Variants in EPHA6 observed in about 807,000 individuals in gnomAD.
The protein encoded by EPHA6 is EPH receptor A6.
Under a neutral mutation model 112.0 loss-of-function variants are expected in EPHA6, and 50 were observed. The ratio of observed to expected loss-of-function variants is 0.45; its 90% confidence interval spans 0.36 to 0.56. The LOEUF (loss-of-function observed/expected upper bound fraction) is 0.56, where lower values mean the gene tolerates loss of function less well. Ranked by LOEUF, EPHA6 falls within the 20% of genes least tolerant of loss-of-function variation. The probability of loss-of-function intolerance (pLI) is 0.00; values close to 1 mark genes in which losing one functional copy is unlikely to be tolerated. For synonymous variants in EPHA6, 529 were observed against 490.7 expected (o/e 1.08, Z -1.03); for missense variants, 1,280 against 1,417.4 (o/e 0.90, Z 1.56).
chr3:96,947,516 C>G (rs1293304835), intron 2 of EPHA6, among the ~76,000 whole-genome samples: 1 of 152,076 alleles, frequency 6.6e-6, no homozygotes, highest in Non-Finnish European at 1.5e-5. Flanking sequence ...TTTCTGAGGG[C>G]TCTGTTCTGT....
rs201428076 is a variant in EPHA6, at chr3:97,499,771, G to A, written c.2200+15712G>A. Among the ~76,000 whole-genome samples the A allele has an allele frequency of 7.9e-5, 12 of 152,228 alleles. No individual in the cohort carries two copies. In the East Asian group the frequency reaches 1.4e-3, roughly 17 times the overall value. Reference sequence around the variant, plus strand: ...GCCCTACCTGTGTAGGGCACTTATCGTGAATGAAGCTTGAAGGACTAGAAG... The same window carrying A: ...GCCCTACCTGTGTAGGGCACTTATCATGAATGAAGCTTGAAGGACTAGAAG... On this transcript the variant is annotated intron_variant, in intron 10 of 17. Transcript: ENST00000389672.
intron 10 of EPHA6, among the ~76,000 whole-genome samples, chr3:97,503,300 G>C (rs1442945271): frequency 6.6e-6 from 1 of 152,000 alleles, no homozygotes; most frequent in Non-Finnish European, 1.5e-5. Flanking sequence ...GGAACACATA[G>C]TTCCAAAAAA....
intron 3 of EPHA6, among the ~76,000 whole-genome samples, chr3:97,194,153 G>A (rs1246101339): frequency 1.3e-5 from 2 of 151,862 alleles, no homozygotes; most frequent in East Asian, 3.9e-4. Flanking sequence ...AGTTTGTAGA[G>A]TTAGGCTGTT....
intron 14 of EPHA6, among the ~76,000 whole-genome samples, chr3:97,681,023 G>A (rs2031819765): frequency 6.6e-6 from 1 of 151,940 alleles, no homozygotes; most frequent in South Asian, 2.1e-4. Flanking sequence ...AAAATGATAA[G>A]ACATTAGATT....
At chr3:97,647,351 G>T (rs1373999288) in intron 14 of EPHA6, among the ~76,000 whole-genome samples, 1 of 152,070 alleles carries the variant, frequency 6.6e-6, no homozygotes, top group Non-Finnish European at 1.5e-5. Context: ...AGCATGAAAG[G>T]CAACAAGAGT....
At chr3:96,851,088 T>C (rs2035355792) in intron 1 of EPHA6, among the ~76,000 whole-genome samples, 1 of 152,124 alleles carries the variant, frequency 6.6e-6, no homozygotes, top group Non-Finnish European at 1.5e-5. Flanking sequence ...GAATATGGAA[T>C]TATTATGCCA....
At chr3:97,228,801 G>A (rs879813389) in intron 4 of EPHA6, among the ~76,000 whole-genome samples, 5 of 152,186 alleles carry the variant, frequency 3.3e-5, no homozygotes, top group South Asian at 2.1e-4. Context: ...TCTCCATACC[G>A]TTATCCGTGG....
intron 6 of EPHA6, among the ~76,000 whole-genome samples, chr3:97,432,890 C>G (rs2089601716): frequency 6.6e-6 from 1 of 152,134 alleles, no homozygotes. Context: ...CACTGGGTTT[C>G]TTCCTTGACA....
intron 11 of EPHA6, among the ~76,000 whole-genome samples, chr3:97,590,698 A>G (rs1358771912): frequency 1.3e-5 from 2 of 152,180 alleles, no homozygotes; most frequent in Non-Finnish European, 2.9e-5. Context: ...ATCCATAATC[A>G]GCTAAAATTG....
At chr3:97,372,392 G>A (rs375117315) in intron 5 of EPHA6, among the ~76,000 whole-genome samples, 16 of 152,150 alleles carry the variant, frequency 1.1e-4, no homozygotes, top group African/African-American at 3.9e-4. Context: ...TTAATACGAA[G>A]ATGTGCATAT....
chr3:96,983,909 C>A lies in EPHA6; in HGVS notation c.451-3421C>A, dbSNP rs1222781375. On this transcript the variant is annotated intron_variant, in intron 2 of 17. Transcript: ENST00000389672. ...GCCATGGTTTTCCACTCCATCAGGT[C>A]ATTCAAGGACTTCTCTGCACTGGTT... is the stretch of plus-strand genomic sequence containing the variant. Among the ~76,000 whole-genome samples the A allele has an allele frequency of 2.6e-5, 4 of 152,176 alleles. No homozygotes were observed. The East Asian group carries it at 5.8e-4, about 22-fold the overall frequency.
At chr3:97,402,696 C>G (rs1287223173) in intron 5 of EPHA6, among the ~76,000 whole-genome samples, 1 of 152,082 alleles carries the variant, frequency 6.6e-6, no homozygotes, top group African/African-American at 2.4e-5. Context: ...GCTCATATGA[C>G]AAACTTTTAT....
chr3:97,592,308 G>A (rs2093552558), intron 11 of EPHA6, among the ~76,000 whole-genome samples: 1 of 152,102 alleles, frequency 6.6e-6, no homozygotes, highest in Admixed American at 6.5e-5. Context: ...TCAATGACTA[G>A]CATTTATATC....
At chr3:97,520,198 A>G (rs957676375) in intron 10 of EPHA6, among the ~76,000 whole-genome samples, 22 of 151,938 alleles carry the variant, frequency 1.4e-4, no homozygotes, top group African/African-American at 4.4e-4. Context: ...CGATCTCCTG[A>G]CCTCGTGATT....
chr3:97,359,561 T>G (rs1015512292), intron 5 of EPHA6, among the ~76,000 whole-genome samples: 48 of 152,068 alleles, frequency 3.2e-4, no homozygotes, highest in African/African-American at 1.2e-3. Context: ...CAGGTCTTTT[T>G]CAGGGACAGT....
chr3:97,288,737 G>A (rs1263710047), intron 5 of EPHA6, among the ~76,000 whole-genome samples: 2 of 151,880 alleles, frequency 1.3e-5, no homozygotes, highest in Non-Finnish European at 2.9e-5. Context: ...ACTAGCATCT[G>A]TTGTTTCTTG....
intron 5 of EPHA6, among the ~76,000 whole-genome samples, chr3:97,324,707 T>G (rs536410401): frequency 5.3e-5 from 8 of 151,692 alleles, no homozygotes; most frequent in Non-Finnish European, 7.4e-5. Context: ...CCCAGCTCAT[T>G]TTTGCATTTT....
chr3:97,126,897 G>GAA (rs11463537), intron 3 of EPHA6, among the ~76,000 whole-genome samples: 3,541 of 126,346 alleles, frequency 0.028, 159 homozygotes, highest in African/African-American at 0.091. Context: ...GGGAGAAGGT[G>GAA]AAAAAAAAAA....
At chr3:97,704,087 T>A (rs1427587514) in intron 14 of EPHA6, among the ~76,000 whole-genome samples, 5 of 152,328 alleles carry the variant, frequency 3.3e-5, no homozygotes, top group Middle Eastern at 6.8e-3. Context: ...GCTTTTTAAA[T>A]ATGGCATTAT....
Sources: allele counts gnomAD v4.1 joint callset (sites outside exome capture counted in the v4.1 genomes callset), GRCh38; gene constraint gnomAD v4.1.1; transcripts MANE v1.5; gene names NCBI Gene and HGNC (gene_info 2026-07-23, HGNC 2026-07-21).